The following ROBO2 variants were observed in gnomAD, a reference collection of about 807,000 sequenced individuals.
ROBO2 encodes roundabout homolog 2.
In ROBO2, 53 loss-of-function variants were observed where a neutral mutation model predicts 160.8. The observed-to-expected ratio is 0.33, with a 90% confidence interval of 0.26 to 0.41. The LOEUF (loss-of-function observed/expected upper bound fraction) is 0.41, where lower values mean the gene tolerates loss of function less well. Among genes scored for constraint, ROBO2 ranks in the 10% least tolerant of loss-of-function variants. The pLI is 1.00. For missense variants in ROBO2, 1,577 were observed against 1,722.4 expected, an observed-to-expected ratio of 0.92 and a Z score of 1.49; for synonymous variants, 664 against 611.7, an observed-to-expected ratio of 1.09 and a Z score of -1.26.
chr3:76,141,488 A>G (rs1481165453), intron 2 of ROBO2, among the ~76,000 whole-genome samples: 2 of 151,752 alleles, frequency 1.3e-5, no homozygotes, highest in Non-Finnish European at 2.9e-5. Context: ...AATTAAAAAA[A>G]TCCTAGCAAA....
chr3:76,519,302 A>G (rs1282970810), intron 2 of ROBO2, among the ~76,000 whole-genome samples: 1 of 152,214 alleles, frequency 6.6e-6, no homozygotes, highest in Non-Finnish European at 1.5e-5. Flanking sequence ...CTACTACGTG[A>G]GCAGAGTTGA....
chr3:77,409,397 G>A (rs1266922431), intron 2 of ROBO2, among the ~76,000 whole-genome samples: 2 of 151,916 alleles, frequency 1.3e-5, no homozygotes, highest in Non-Finnish European at 2.9e-5. Flanking sequence ...TCAAACTCTA[G>A]GTAGCATTGT....
At chr3:77,560,355 G>A (rs1481079982) in intron 9 of ROBO2, among the ~76,000 whole-genome samples, 1 of 152,084 alleles carries the variant, frequency 6.6e-6, no homozygotes, top group Non-Finnish European at 1.5e-5. Flanking sequence ...ACCAGAAAAA[G>A]ACATTATTTA....
At chr3:77,639,481 G>C (rs2095316094) in intron 24 of ROBO2, among the ~76,000 whole-genome samples, 1 of 152,114 alleles carries the variant, frequency 6.6e-6, no homozygotes, top group Admixed American at 6.5e-5. Flanking sequence ...GTCCTCACCA[G>C]GAAGTCAGCA....
At chr3:76,979,368 A>C (rs1224758931) in intron 2 of ROBO2, among the ~76,000 whole-genome samples, 1 of 150,582 alleles carries the variant, frequency 6.6e-6, no homozygotes, top group African/African-American at 2.4e-5. Flanking sequence ...GCTCCCTTCC[A>C]CCCTCCCACT....
chr3:77,305,142 A>G (rs558843869), intron 2 of ROBO2, among the ~76,000 whole-genome samples: 20 of 152,250 alleles, frequency 1.3e-4, no homozygotes, highest in Admixed American at 1.2e-3. Flanking sequence ...GCAGAAGACG[A>G]TTTTTCTTTT....
chr3:77,210,987 A>C (rs1243632876), intron 2 of ROBO2, among the ~76,000 whole-genome samples: 1 of 152,096 alleles, frequency 6.6e-6, no homozygotes, highest in Non-Finnish European at 1.5e-5. Flanking sequence ...CCAGTCTATC[A>C]TTGTTGGACA....
At chr3:77,098,222 A>G in exon 2 of ROBO2, 1 of 1,614,188 alleles carries the variant, frequency 6.2e-7, no homozygotes, top group South Asian at 1.1e-5. Flanking sequence ...GCGGATCCTT[A>G]TTCTTCTTGC....
chr3:76,233,895 T>C (rs753852625), intron 2 of ROBO2, among the ~76,000 whole-genome samples: 6 of 152,212 alleles, frequency 3.9e-5, no homozygotes, highest in Non-Finnish European at 7.3e-5. Flanking sequence ...TGTAGGGGCT[T>C]GCTGTACAGA....
chr3:76,568,443 G>A (rs1007127285), intron 2 of ROBO2, among the ~76,000 whole-genome samples: 6 of 149,426 alleles, frequency 4.0e-5, no homozygotes, highest in South Asian at 4.3e-4. Flanking sequence ...GACCACAGGC[G>A]CTGCCACCAC....
chr3:77,069,389 T>G (rs1190983402), intron 1 of ROBO2, among the ~76,000 whole-genome samples: 1 of 152,136 alleles, frequency 6.6e-6, no homozygotes, highest in African/African-American at 2.4e-5. Context: ...CATAATCATG[T>G]GGGAGAATGA....
intron 2 of ROBO2, among the ~76,000 whole-genome samples, chr3:76,710,581 A>G (rs1187010567): frequency 6.6e-6 from 1 of 152,232 alleles, no homozygotes; most frequent in African/African-American, 2.4e-5. Flanking sequence ...CCTTGGAGTT[A>G]TGGAGACAGA....
At chr3:75,948,076 G>A (rs1948387342) in intron 2 of ROBO2, among the ~76,000 whole-genome samples, 1 of 152,026 alleles carries the variant, frequency 6.6e-6, no homozygotes, top group African/African-American at 2.4e-5. Context: ...ATAATAAAAT[G>A]AAGGCCCCAG....
intron 2 of ROBO2, among the ~76,000 whole-genome samples, chr3:77,241,674 C>CA (rs1036737953): frequency 6.6e-6 from 1 of 152,116 alleles, no homozygotes; most frequent in African/African-American, 2.4e-5. Flanking sequence ...CGGGTGCAGA[C>CA]AAGTTAAGTC....
intron 2 of ROBO2, among the ~76,000 whole-genome samples, chr3:76,328,907 A>ATT (rs202157768): frequency 0.049 from 3,967 of 80,382 alleles, 79 homozygotes; most frequent in Non-Finnish European, 0.059. Flanking sequence ...TATTTATGTT[A>ATT]TTATATATAT....
intron 2 of ROBO2, among the ~76,000 whole-genome samples, chr3:77,274,955 G>A (rs984975623): frequency 6.6e-6 from 1 of 152,042 alleles, no homozygotes; most frequent in Non-Finnish European, 1.5e-5. Flanking sequence ...CAAATTTGAA[G>A]AAGTAGAGGA....
At chr3:77,164,947 GC>G (rs1287823030) in intron 2 of ROBO2, among the ~76,000 whole-genome samples, 1 of 138,222 alleles carries the variant, frequency 7.2e-6, no homozygotes, top group Non-Finnish European at 1.6e-5. Flanking sequence ...GGGGCGGTCA[GC>G]CCCCCAACCC....
At chr3:75,925,965 G>C (rs1407687704) in intron 1 of ROBO2, among the ~76,000 whole-genome samples, 2 of 151,714 alleles carry the variant, frequency 1.3e-5, no homozygotes, top group African/African-American at 4.8e-5. Flanking sequence ...TTTCTTAAAA[G>C]TAAACAAAAA....
At chr3:76,755,239 C>G (rs1194472558) in intron 2 of ROBO2, among the ~76,000 whole-genome samples, 1 of 151,674 alleles carries the variant, frequency 6.6e-6, no homozygotes, top group Non-Finnish European at 1.5e-5. Flanking sequence ...TGAATATTTA[C>G]CAAACAGTTT....
Sources: allele counts gnomAD v4.1 joint callset (sites outside exome capture counted in the v4.1 genomes callset), GRCh38; gene constraint gnomAD v4.1.1; transcripts MANE v1.5; gene names NCBI Gene and HGNC (gene_info 2026-07-23, HGNC 2026-07-21).